UBAP1: variants seen among roughly 807,000 people sequenced by gnomAD.
UBAP1 encodes the protein ubiquitin associated protein 1, also known as ubiquitin-associated protein 1.
Under a neutral mutation model 39.0 loss-of-function variants are expected in UBAP1, and 5 were observed. That is an observed-to-expected ratio of 0.13 (90% CI 0.07 to 0.27). UBAP1 has a LOEUF of 0.27. Among genes scored for constraint, UBAP1 ranks in the 10% least tolerant of loss-of-function variants. UBAP1 has a pLI of 1.00. For synonymous variants in UBAP1, 211 were observed against 225.1 expected, an observed-to-expected ratio of 0.94 and a Z score of 0.56; for missense variants, 490 against 608.1, an observed-to-expected ratio of 0.81 and a Z score of 2.04.
At chr9:34,239,925 C>A (rs1282604938) in intron 3 of UBAP1, among the ~76,000 whole-genome samples, 1 of 152,084 alleles carries the variant, frequency 6.6e-6, no homozygotes, top group South Asian at 2.1e-4. Context: ...GCTTTTTCTG[C>A]GTTCCAAGTA....
At chr9:34,237,623 A>G (rs954326924) in intron 3 of UBAP1, among the ~76,000 whole-genome samples, 1 of 152,146 alleles carries the variant, frequency 6.6e-6, no homozygotes, top group Non-Finnish European at 1.5e-5. Context: ...GGTGGAGTCT[A>G]GTGGCACAGT....
At chr9:34,225,701 A>G (rs111377831) in intron 2 of UBAP1, among the ~76,000 whole-genome samples, 2 of 151,386 alleles carry the variant, frequency 1.3e-5, no homozygotes, top group African/African-American at 4.9e-5. Flanking sequence ...AATGGCGTGA[A>G]CCCAGGAGGA....
chr9:34,232,349 A>G (rs919632961), intron 2 of UBAP1, among the ~76,000 whole-genome samples: 1 of 152,212 alleles, frequency 6.6e-6, no homozygotes, highest in East Asian at 1.9e-4. Context: ...AAGGGTAGGA[A>G]TGTGATAGGC....
At chr9:34,182,207 C>CT (rs1830082374) in intron 1 of UBAP1, among the ~76,000 whole-genome samples, 1 of 122,370 alleles carries the variant, frequency 8.2e-6, no homozygotes, top group Non-Finnish European at 1.7e-5. Flanking sequence ...TTTATTGAGA[C>CT]TGAGTCTCGC....
At chr9:34,215,308 T>C (rs1294853423) in intron 1 of UBAP1, among the ~76,000 whole-genome samples, 1 of 151,270 alleles carries the variant, frequency 6.6e-6, no homozygotes, top group Non-Finnish European at 1.5e-5. Context: ...TGTATATAAG[T>C]ATGTATATAT....
At chr9:34,190,065 A>T (rs1045738737) in intron 1 of UBAP1, among the ~76,000 whole-genome samples, 5 of 152,246 alleles carry the variant, frequency 3.3e-5, no homozygotes, top group African/African-American at 1.2e-4. Context: ...ATCAGGAAAA[A>T]TAACTAATGG....
At chr9:34,216,550 G>A (rs1832327920) in intron 1 of UBAP1, among the ~76,000 whole-genome samples, 2 of 151,598 alleles carry the variant, frequency 1.3e-5, no homozygotes, top group Non-Finnish European at 2.9e-5. Context: ...CAGTGCAGTG[G>A]TGCGATCATA....
intron 3 of UBAP1, 92 bp downstream of exon 3, chr9:34,234,432 T>C: frequency 2.1e-6 from 3 of 1,407,946 alleles, no homozygotes; most frequent in Non-Finnish European, 2.9e-6. Context: ...ATTACAGTTG[T>C]GAGCTGAATC....
In UBAP1 at chr9:34,252,005, T is replaced by C. The variant is rs1834567169; in HGVS notation, c.*473T>C. The C allele has an allele frequency of 6.4e-6, 1 of 156,124 alleles. No homozygotes were observed. Among genetic ancestry groups the C allele is most frequent in the Non-Finnish European group, 1.4e-5 (1 of 70,268 alleles). The allele number at this position is 156,124 out of a possible 1,614,324, so 9.7% of individuals were successfully genotyped here. A position where few individuals can be genotyped will look rare whatever the true frequency, so the allele number is the denominator to read the frequency against. On this transcript the variant is annotated 3_prime_UTR_variant, in exon 7 of 7. Coordinates refer to ENST00000297661, the MANE Select transcript of UBAP1 (RefSeq NM_016525.5). ...CAAGTGAAAGATTCTTCCAGGGTTT[T>C]ATTTTTTCCCCTCCTAACAAAGTCT...
chr9:34,196,390 A>G (rs888402549), intron 1 of UBAP1, among the ~76,000 whole-genome samples: 2 of 150,744 alleles, frequency 1.3e-5, no homozygotes, highest in African/African-American at 4.9e-5. Flanking sequence ...ATCTCGGCTC[A>G]CTGCAACCTC....
intron 4 of UBAP1, among the ~76,000 whole-genome samples, chr9:34,245,907 A>T (rs1288489074): frequency 6.6e-6 from 1 of 151,164 alleles, no homozygotes; most frequent in Non-Finnish European, 1.5e-5. Context: ...CAGTAATCCC[A>T]GCATTTTGGG....
At chr9:34,238,492 T>C (rs1319546796) in intron 3 of UBAP1, among the ~76,000 whole-genome samples, 1 of 152,228 alleles carries the variant, frequency 6.6e-6, no homozygotes, top group African/African-American at 2.4e-5. Flanking sequence ...TACAAGAGGG[T>C]ACCAATTTCT....
chr9:34,198,295 T>G (rs1831174378), intron 1 of UBAP1, among the ~76,000 whole-genome samples: 1 of 152,176 alleles, frequency 6.6e-6, no homozygotes, highest in South Asian at 2.1e-4. Context: ...GGTGGGGTTG[T>G]ATGTTAAGTT....
intron 1 of UBAP1, among the ~76,000 whole-genome samples, chr9:34,184,004 A>G (rs1430974161): frequency 6.6e-5 from 10 of 152,068 alleles, no homozygotes; most frequent in Non-Finnish European, 4.4e-5. Flanking sequence ...TCTTCAACTC[A>G]GGTGATCCAT....
At chr9:34,186,967 GC>G (rs1387219175) in intron 1 of UBAP1, among the ~76,000 whole-genome samples, 1 of 152,028 alleles carries the variant, frequency 6.6e-6, no homozygotes, top group African/African-American at 2.4e-5. Flanking sequence ...GAGTGCAATG[GC>G]GTGATCTTGG....
At chr9:34,183,092 A>G (rs1453188867) in intron 1 of UBAP1, among the ~76,000 whole-genome samples, 1 of 151,980 alleles carries the variant, frequency 6.6e-6, no homozygotes, top group Admixed American at 6.6e-5. Context: ...TTCTTTAGTT[A>G]TGTTATTGAA....
chr9:34,211,751 C>T (rs1832029556), intron 1 of UBAP1, among the ~76,000 whole-genome samples: 1 of 152,132 alleles, frequency 6.6e-6, no homozygotes, highest in South Asian at 2.1e-4. Flanking sequence ...TAACCCATCT[C>T]TTCTTCTTTC....
chr9:34,205,709 G>T (rs1831645673), intron 1 of UBAP1, among the ~76,000 whole-genome samples: 1 of 152,100 alleles, frequency 6.6e-6, no homozygotes, highest in East Asian at 1.9e-4. Flanking sequence ...ATCAGATTGG[G>T]TTGGCAGGAC....
intron 1 of UBAP1, among the ~76,000 whole-genome samples, chr9:34,187,859 T>G (rs2131500744): frequency 6.6e-6 from 1 of 152,076 alleles, no homozygotes; most frequent in South Asian, 2.1e-4. Flanking sequence ...GTCCAGTTCC[T>G]TGGACTTGTG....
Sources: gnomAD v4.1 joint callset for allele counts (sites outside exome capture counted in the v4.1 genomes callset) on GRCh38, gnomAD v4.1.1 for gene constraint, MANE v1.5 for transcripts, NCBI Gene and HGNC (gene_info 2026-07-23, HGNC 2026-07-21) for gene names.